CHD2: variants seen among roughly 807,000 people sequenced by gnomAD.
CHD2 encodes ATP-dependent chromatin remodeler CHD2.
In CHD2, 28 loss-of-function variants were observed where a neutral mutation model predicts 243.9. The observed-to-expected ratio is 0.11, with a 90% CI of 0.09 to 0.16. CHD2 has a LOEUF of 0.16. Ranked by LOEUF, CHD2 falls within the 10% of genes least tolerant of loss-of-function variation. CHD2 has a pLI of 1.00. For synonymous variants in CHD2, 775 were observed against 779.0 expected (o/e 0.99, Z 0.09); for missense variants, 1,386 against 2,209.8 (o/e 0.63, Z 7.47).
chr15:92,934,459 A>T lies in CHD2; in HGVS notation c.444-3059A>T, dbSNP rs549738315. Among the ~76,000 whole-genome samples the T allele has an allele frequency of 9.5e-4, 144 of 152,296 alleles. 3 individuals are homozygous for T. The highest frequency in any genetic ancestry group is 8.8e-3 in the Admixed American group (135 of 15,294). On this transcript the variant is annotated intron_variant, in intron 5 of 38. Coordinates refer to ENST00000394196, the MANE Select transcript of CHD2 (RefSeq NM_001271.4). ...CTGTTAATGGCCTCTAAAGCTGGAT[A>T]TTGTAAGTTTCCTTTGATAGACATT...
intron 16 of CHD2, among the ~76,000 whole-genome samples, chr15:92,957,606 C>T (rs538512366): frequency 6.6e-6 from 1 of 151,878 alleles, no homozygotes; most frequent in African/African-American, 2.4e-5. Flanking sequence ...GCACAGTAAA[C>T]AATTCAGTTA....
chr15:92,984,675 G>A (rs2141850930), intron 25 of CHD2, among the ~76,000 whole-genome samples, 175 bp downstream of exon 25: 1 of 152,332 alleles, frequency 6.6e-6, no homozygotes, highest in African/African-American at 2.4e-5. Flanking sequence ...CAGAGCTCCT[G>A]AGCACACCTG....
chr15:93,023,679 G>GTT (rs150306581), intron 38 of CHD2, among the ~76,000 whole-genome samples: 18,306 of 143,296 alleles, frequency 0.13, 1,227 homozygotes, highest in South Asian at 0.2. Flanking sequence ...TTTTTTTTTT[G>GTT]TGTTTTTTTT....
rs1336274742 is a variant in CHD2 at position 93,024,441 on chromosome 15, C to G, written c.5223C>G (p.Phe1741Leu). The G allele has an allele frequency of 6.2e-7, 1 of 1,614,186 alleles. No homozygotes were observed. Among genetic ancestry groups the G allele is most frequent in the Non-Finnish European group, 8.5e-7 (1 of 1,180,026 alleles). Residue 1741 changes from phenylalanine to leucine, a missense_variant, in exon 39 of 39, where the codon TTC becomes TTG. Around this residue, in one of 19 missense-constraint regions of CHD2, gnomAD observed 347 missense variants for 341.6 expected, o/e 1.02. Transcript: ENST00000394196. ...FRPQNYHQQD[F>L]RRMSDHRPAM... ...CTCAAAATTACCACCAGCAGGATTTCCGACGAATGTCTGATCACCGCCCCG... is the reference window on the plus strand; with the variant it reads ...CTCAAAATTACCACCAGCAGGATTTGCGACGAATGTCTGATCACCGCCCCG...
In CHD2 at chr15:92,953,435, C is replaced by T. The variant is rs2053579395; in HGVS notation, c.1581C>T (p.Phe527=). 2 of 1,614,144 alleles carry T rather than the reference C, an allele frequency of 1.2e-6. No homozygotes were observed. Among genetic ancestry groups the T allele is most frequent in the South Asian group, 1.1e-5 (1 of 91,080 alleles). Residue 527 remains phenylalanine, a synonymous_variant, in exon 14 of 39, where the codon TTC becomes TTT. Transcript: ENST00000394196. ...IQTISFLSYL[F]HQHQLYGPFL... Reference sequence around the variant, plus strand: ...CCATATCATTCCTCTCCTACCTGTTCCACCAACACCAGCTGTATGGCCCCT... The same window carrying T: ...CCATATCATTCCTCTCCTACCTGTTTCACCAACACCAGCTGTATGGCCCCT...
At chr15:92,933,072 A>C in intron 5 of CHD2, among the ~76,000 whole-genome samples, 1 of 146,096 alleles carries the variant, frequency 6.8e-6, no homozygotes, top group Admixed American at 6.9e-5. Context: ...AGTTAAAGAG[A>C]CAGGGTCTTC....
chr15:92,974,985 T>C, intron 20 of CHD2, 35 bp downstream of exon 20: 2 of 1,560,016 alleles, frequency 1.3e-6, no homozygotes, highest in South Asian at 2.2e-5. Context: ...TTGAGCAACT[T>C]GGGCTCTGCA....
In CHD2 at chr15:92,900,341, T is replaced by C. The variant is rs1035013626; in HGVS notation, c.-555T>C. 5.2e-6 allele frequency: 2 copies of C among 382,174 alleles called. No individual in the cohort carries two copies. Among genetic ancestry groups the C allele is most frequent in the African/African-American group, 4.1e-5 (2 of 48,200 alleles). The allele number at this position is 382,174 out of a possible 1,614,324, so 23.7% of individuals were successfully genotyped here. On this transcript the variant is annotated 5_prime_UTR_variant, in exon 1 of 39. Coordinates refer to ENST00000394196, the MANE Select transcript of CHD2 (RefSeq NM_001271.4). ...GAGCTCTCAGAGCTGGGAAGGAGGC[T>C]CTAGATGGCGGCTGTGCCTTAGAGA...
intron 12 of CHD2, among the ~76,000 whole-genome samples, chr15:92,948,479 T>A (rs1359737408): frequency 6.6e-6 from 1 of 152,202 alleles, no homozygotes; most frequent in Non-Finnish European, 1.5e-5. Flanking sequence ...AACTCTGGCT[T>A]ATGGAATATT....
Position 93,024,660 on chromosome 15 carries a change from A to G in CHD2, c.5442A>G (p.Glu1814=), listed in dbSNP as rs1424117392. 6.8e-6 allele frequency: 11 copies of G among 1,613,732 alleles called. No individual in the cohort carries two copies. Among genetic ancestry groups the G allele is most frequent in the Non-Finnish European group, 9.3e-6 (11 of 1,179,832 alleles). The change falls in exon 39 of 39, where the codon GAA becomes GAG. Residue 1814 remains glutamate, a synonymous_variant. Coordinates refer to ENST00000394196, the MANE Select transcript of CHD2 (RefSeq NM_001271.4). ...DHRSPLERSL[E]QKNNPDYNWN... ...GGTCTCCTTTGGAGAGATCACTAGA[A>G]CAGAAAAACAACCCAGATTATAACT...
intron 19 of CHD2, among the ~76,000 whole-genome samples, chr15:92,973,487 G>A (rs1187558731): frequency 2.0e-5 from 3 of 152,104 alleles, no homozygotes; most frequent in African/African-American, 7.2e-5. Flanking sequence ...TGTTGGGATT[G>A]AAGAAACTTG....
chr15:92,946,237 T>C, intron 12 of CHD2, 21 bp downstream of exon 12: 1 of 1,587,772 alleles, frequency 6.3e-7, no homozygotes, highest in Non-Finnish European at 8.6e-7. Context: ...GGTTGGCTTT[T>C]GTTTTTTCAG....
At chr15:93,000,452 T>C in intron 31 of CHD2, 60 bp from the exon 32 acceptor site, 1 of 1,502,460 alleles carries the variant, frequency 6.7e-7, no homozygotes, top group Non-Finnish European at 9.0e-7. Flanking sequence ...TCATGTTGTT[T>C]GGTTATGCTT....
chr15:92,938,264 C>G (rs2053298367), intron 6 of CHD2, among the ~76,000 whole-genome samples: 1 of 152,118 alleles, frequency 6.6e-6, no homozygotes, highest in Non-Finnish European at 1.5e-5. Flanking sequence ...ATAGAGAGCA[C>G]TAAATTTGAA....
chr15:93,007,751 T>C (rs1403254699), intron 34 of CHD2, among the ~76,000 whole-genome samples: 1 of 152,222 alleles, frequency 6.6e-6, no homozygotes, highest in Non-Finnish European at 1.5e-5. Flanking sequence ...TGTTTGGATA[T>C]CGAATTCTGG....
intron 2 of CHD2, among the ~76,000 whole-genome samples, chr15:92,909,965 T>TGC (rs1358398337): frequency 1.3e-5 from 2 of 150,786 alleles, no homozygotes. Context: ...TGTGTGTGTG[T>TGC]GTGTATGTAT....
At chr15:92,974,976 T>A (rs1257485064) in intron 20 of CHD2, 26 bp downstream of exon 20, 1 of 1,592,734 alleles carries the variant, frequency 6.3e-7, no homozygotes, top group East Asian at 2.2e-5. Context: ...CTTTGTTATT[T>A]GAGCAACTTG....
Position 93,014,808 on chromosome 15 carries a change from A to C in CHD2, c.4805A>C (p.His1602Pro), listed in dbSNP as rs1596458238. 6.2e-7 allele frequency: 1 copy of C among 1,613,968 alleles called. No individual in the cohort carries two copies. Among genetic ancestry groups the C allele is most frequent in the Non-Finnish European group, 8.5e-7 (1 of 1,179,982 alleles). Residue 1602 changes from histidine (H) to proline (P), a missense_variant, in exon 37 of 39, where the codon CAC becomes CCC. His to Pro is a moderately conservative substitution (Grantham distance 77, BLOSUM62 -2). Transcript: ENST00000394196. The stretch of plus-strand genomic sequence containing the variant: ...CAGTCCCATACCTCACACAACCTTC[A>C]CCCTCAGAAGCCTCATTTGCCTGCC... ...ISQSHTSHNL[H>P]PQKPHLPASH...
In CHD2 at chr15:92,979,253, C is replaced by T. The variant is rs1064794542; in HGVS notation, c.2846C>T (p.Thr949Met). The change falls in exon 22 of 39, where the codon ACG (threonine) becomes ATG (methionine). Residue 949 changes from threonine to methionine, a missense_variant. Physicochemically the swap from Thr to Met is moderately conservative, Grantham distance 81 (BLOSUM62 -1). Around this residue, in one of 19 missense-constraint regions of CHD2, gnomAD observed 99 missense variants for 206.4 expected, o/e 0.48. Transcript: ENST00000394196. ...VIQRMDTTGR[T>M]ILENNSGRSN... ...CAGCGCATGGACACCACTGGCCGGACGATCCTGGAAAACAACTCAGGAAGG... is the reference window on the plus strand; with the variant it reads ...CAGCGCATGGACACCACTGGCCGGATGATCCTGGAAAACAACTCAGGAAGG... 18 of 1,613,884 alleles carry T rather than the reference C, an allele frequency of 1.1e-5. No individual in the cohort carries two copies. Among genetic ancestry groups the T allele is most frequent in the Middle Eastern group, 1.7e-4 (1 of 6,060 alleles).
Sources: gnomAD v4.1 joint callset for allele counts (sites outside exome capture counted in the v4.1 genomes callset) on GRCh38, gnomAD v4.1.1 for gene constraint, gnomAD v4.1.1 regional missense constraint, MANE v1.5 for transcripts, NCBI Gene and HGNC (gene_info 2026-07-23, HGNC 2026-07-21) for gene names.